LDB2: variants seen among roughly 807,000 people sequenced by gnomAD.
LDB2 encodes LIM domain binding 2.
Under a neutral mutation model 44.3 loss-of-function variants are expected in LDB2, and 12 were observed. The ratio of observed to expected loss-of-function variants is 0.27; its 90% CI spans 0.17 to 0.44. LDB2 has a LOEUF of 0.44. LDB2 is among the 20% of genes least tolerant of loss of function. The pLI, the probability that LDB2 is intolerant of heterozygous loss-of-function variation, is 1.00. For missense variants in LDB2, 344 were observed against 473.5 expected, an observed-to-expected ratio of 0.73 and a Z score of 2.54; for synonymous variants, 164 against 174.8, an observed-to-expected ratio of 0.94 and a Z score of 0.49.
chr4:16,693,817 T>C (rs140003661), intron 2 of LDB2, among the ~76,000 whole-genome samples: 1 of 152,170 alleles, frequency 6.6e-6, no homozygotes, highest in African/African-American at 2.4e-5. Context: ...CATGTTCCAA[T>C]GCTGACACTA....
At chr4:16,728,330 C>T (rs1411150450) in intron 2 of LDB2, among the ~76,000 whole-genome samples, 1 of 151,930 alleles carries the variant, frequency 6.6e-6, no homozygotes, top group African/African-American at 2.4e-5. Flanking sequence ...TCAGCTTGCC[C>T]AGAAACTGTG....
In LDB2 at chr4:16,529,800, G is replaced by A. The variant is rs995784731; in HGVS notation, c.616-17696C>T. Among the ~76,000 whole-genome samples, 7 of 152,264 alleles carry A rather than the reference G, an allele frequency of 4.6e-5. No homozygotes were observed. In the East Asian group the frequency reaches 7.7e-4, roughly 17 times the overall value. ...CCCGTAAATTGATGCAATATATTGC[G>A]GCTTCAGCCTCCACTTTTTTTGGTT... On this transcript the variant is annotated intron_variant, in intron 5 of 7. Transcript: ENST00000304523.
At chr4:16,843,637 T>C (rs1786335516) in intron 1 of LDB2, among the ~76,000 whole-genome samples, 1 of 152,240 alleles carries the variant, frequency 6.6e-6, no homozygotes, top group Non-Finnish European at 1.5e-5. Context: ...GTTTTTGTTT[T>C]CTGAGACAGA....
At chr4:16,583,490 G>C (rs757859612) in intron 5 of LDB2, among the ~76,000 whole-genome samples, 3 of 152,188 alleles carry the variant, frequency 2.0e-5, no homozygotes, top group African/African-American at 4.8e-5. Flanking sequence ...AGGCTCCTCA[G>C]ATGGACGTGG....
chr4:16,761,773 T>C lies in LDB2; in HGVS notation c.133-2513A>G, dbSNP rs1322930682. ...CAGTGAAGATCAATAAAATGCCCTT[T>C]CCCTGCCTCTGTCTACCATCTTTAA... On this transcript the variant is annotated intron_variant, in intron 1 of 7. Transcript: ENST00000304523. Among the ~76,000 whole-genome samples the C allele has an allele frequency of 1.1e-4, 16 of 152,240 alleles. No individual in the cohort carries two copies. In the South Asian group the frequency reaches 3.1e-3, roughly 30 times the overall value.
At chr4:16,872,380 T>C (rs1716964949) in intron 1 of LDB2, among the ~76,000 whole-genome samples, 1 of 152,186 alleles carries the variant, frequency 6.6e-6, no homozygotes, top group African/African-American at 2.4e-5. Flanking sequence ...CAATCATTCA[T>C]CCATAACATG....
chr4:16,689,899 A>G (rs768214156), intron 2 of LDB2, among the ~76,000 whole-genome samples: 3 of 152,232 alleles, frequency 2.0e-5, no homozygotes, highest in Non-Finnish European at 4.4e-5. Context: ...TTAGGCCTTG[A>G]AGCCGTAAAT....
At chr4:16,600,200 T>C (rs1452281096) in intron 2 of LDB2, among the ~76,000 whole-genome samples, 1 of 152,192 alleles carries the variant, frequency 6.6e-6, no homozygotes, top group Non-Finnish European at 1.5e-5. Flanking sequence ...GTTCCAAATC[T>C]ATTTAGATTT....
At chr4:16,631,408 C>T (rs920501898) in intron 2 of LDB2, among the ~76,000 whole-genome samples, 7 of 152,196 alleles carry the variant, frequency 4.6e-5, no homozygotes, top group Admixed American at 1.3e-4. Context: ...TACAACGCAC[C>T]GGAATCTCTG....
intron 5 of LDB2, among the ~76,000 whole-genome samples, chr4:16,513,901 T>C (rs1291230236): frequency 1.3e-5 from 2 of 152,162 alleles, no homozygotes. Flanking sequence ...TCTAAACATA[T>C]TATTCTAACT....
At chr4:16,859,774 A>G (rs988496487) in intron 1 of LDB2, among the ~76,000 whole-genome samples, 1 of 152,244 alleles carries the variant, frequency 6.6e-6, no homozygotes, top group Non-Finnish European at 1.5e-5. Flanking sequence ...AAAAGAAGCA[A>G]TGTTCATTGA....
chr4:16,793,505 T>C (rs987453830), intron 1 of LDB2, among the ~76,000 whole-genome samples: 5 of 152,200 alleles, frequency 3.3e-5, no homozygotes, highest in African/African-American at 9.7e-5. Context: ...TTCTTATTTT[T>C]AATCGTGCAG....
At chr4:16,606,496 T>G (rs990142049) in intron 2 of LDB2, among the ~76,000 whole-genome samples, 2 of 152,258 alleles carry the variant, frequency 1.3e-5, no homozygotes, top group African/African-American at 4.8e-5. Flanking sequence ...TTGTCAAGTT[T>G]TTAATTTTTT....
intron 2 of LDB2, among the ~76,000 whole-genome samples, chr4:16,653,313 AC>A (rs1364693530): frequency 6.6e-6 from 1 of 152,190 alleles, no homozygotes; most frequent in African/African-American, 2.4e-5. Context: ...GCAGGTATAC[AC>A]CAGGGTGGAC....
At chr4:16,596,369 C>T (rs1363649159) in intron 2 of LDB2, among the ~76,000 whole-genome samples, 2 of 152,114 alleles carry the variant, frequency 1.3e-5, no homozygotes, top group Non-Finnish European at 2.9e-5. Context: ...TATTCTCTCA[C>T]TGTATCTTCA....
At chr4:16,740,231 T>G (rs959976564) in intron 2 of LDB2, among the ~76,000 whole-genome samples, 2 of 152,212 alleles carry the variant, frequency 1.3e-5, no homozygotes, top group Non-Finnish European at 2.9e-5. Flanking sequence ...GAAATCAGCT[T>G]TGTTTTCAAT....
At chr4:16,594,929 A>C (rs939187390) in intron 3 of LDB2, among the ~76,000 whole-genome samples, 1 of 152,192 alleles carries the variant, frequency 6.6e-6, no homozygotes. Flanking sequence ...ATTTGTTCTT[A>C]CTAATTTTCC....
chr4:16,609,762 C>T (rs1279644845), intron 2 of LDB2, among the ~76,000 whole-genome samples: 6 of 152,314 alleles, frequency 3.9e-5, no homozygotes, highest in Non-Finnish European at 7.3e-5. Flanking sequence ...GACCAGCAGA[C>T]TTAGCCTCTC....
chr4:16,631,996 C>G (rs1732087734), intron 2 of LDB2, among the ~76,000 whole-genome samples: 1 of 152,214 alleles, frequency 6.6e-6, no homozygotes, highest in African/African-American at 2.4e-5. Flanking sequence ...CAGCCAAATT[C>G]TACCAGAGGT....
Sources: gnomAD v4.1 joint callset for allele counts (sites outside exome capture counted in the v4.1 genomes callset) on GRCh38, gnomAD v4.1.1 for gene constraint, MANE v1.5 for transcripts, NCBI Gene and HGNC (gene_info 2026-07-23, HGNC 2026-07-21) for gene names.